SCAI: variants seen among roughly 807,000 people sequenced by gnomAD.
SCAI encodes suppressor of cancer cell invasion.
SCAI carries 24 observed loss-of-function variants against 92.2 expected under a neutral mutation model. The observed-to-expected ratio is 0.26, with a 90% CI of 0.19 to 0.37. The LOEUF is 0.37. Among genes scored for constraint, SCAI ranks in the 10% least tolerant of loss-of-function variants. SCAI has a pLI of 1.00. For synonymous variants in SCAI, 261 were observed against 258.6 expected (o/e 1.01, Z -0.09); for missense variants, 450 against 736.2 (o/e 0.61, Z 4.50).
At chr9:124,985,865 A>AT (rs1469639816) in intron 14 of SCAI, among the ~76,000 whole-genome samples, 2,603 of 150,240 alleles carry the variant, frequency 0.017, 73 homozygotes, top group African/African-American at 0.059. Context: ...CTCTGTCTCA[A>AT]TAAAAAAAAA....
intron 2 of SCAI, among the ~76,000 whole-genome samples, chr9:125,129,571 C>A (rs1171103821): frequency 7.3e-6 from 1 of 136,066 alleles, no homozygotes; most frequent in Non-Finnish European, 1.5e-5. Flanking sequence ...TCAAGTGATT[C>A]TCCTGCATCA....
intron 6 of SCAI, among the ~76,000 whole-genome samples, chr9:125,023,501 C>A (rs187892595): frequency 6.6e-6 from 1 of 152,144 alleles, no homozygotes; most frequent in Admixed American, 6.5e-5. Context: ...TGACTTAATT[C>A]TGTTACTTTT....
rs1270505342 is a variant in SCAI at position 124,968,402 on chromosome 9, G to A, written c.1674+2968C>T. The A allele has an allele frequency of 1.1e-4, 127 of 1,125,746 alleles. 1 individual carries two copies. In the East Asian group the frequency reaches 2.9e-3, roughly 26 times the overall value. 69.7% of individuals were successfully genotyped at this position (1,125,746 alleles called of 1,614,324 possible). Reference sequence around the variant, plus strand: ...CATGGAGGGACACGCAATCGTGGGAGTACACCCAGTTTTTCTCAGTCCAGT... The same window carrying A: ...CATGGAGGGACACGCAATCGTGGGAATACACCCAGTTTTTCTCAGTCCAGT... On this transcript the variant is annotated intron_variant, in intron 17 of 17. Transcript: ENST00000336505.
intron 2 of SCAI, among the ~76,000 whole-genome samples, chr9:125,082,499 C>T (rs1222085840): frequency 2.0e-5 from 3 of 152,122 alleles, no homozygotes; most frequent in Non-Finnish European, 2.9e-5. Context: ...AGAGGGCCAC[C>T]GTCTTCCAGA....
At chr9:125,067,443 A>G (rs1262389273) in intron 2 of SCAI, among the ~76,000 whole-genome samples, 1 of 152,144 alleles carries the variant, frequency 6.6e-6, no homozygotes, top group Non-Finnish European at 1.5e-5. Flanking sequence ...GAAGACAGAC[A>G]GGAAGGAAGG....
intron 17 of SCAI, among the ~76,000 whole-genome samples, chr9:124,969,676 T>C (rs1831614418): frequency 6.6e-6 from 1 of 152,244 alleles, no homozygotes; most frequent in Non-Finnish European, 1.5e-5. Context: ...TAGCAACTCT[T>C]ATATCCTGCT....
At chr9:125,058,932 A>T (rs576371179) in intron 2 of SCAI, among the ~76,000 whole-genome samples, 7 of 152,248 alleles carry the variant, frequency 4.6e-5, no homozygotes, top group Non-Finnish European at 1.0e-4. Flanking sequence ...CATCAATACC[A>T]ATAGTAATAG....
intron 17 of SCAI, among the ~76,000 whole-genome samples, chr9:124,958,379 G>T (rs1327039404): frequency 1.3e-5 from 2 of 152,150 alleles, no homozygotes; most frequent in African/African-American, 4.8e-5. Context: ...GTAGGTCAAT[G>T]GAAGAGAATT....
At chr9:125,114,189 G>T (rs1042023869) in intron 2 of SCAI, among the ~76,000 whole-genome samples, 1 of 152,106 alleles carries the variant, frequency 6.6e-6, no homozygotes, top group Non-Finnish European at 1.5e-5. Flanking sequence ...TTAACATAAG[G>T]TCACTCAACA....
chr9:125,119,642 A>G (rs1211288559), intron 2 of SCAI, among the ~76,000 whole-genome samples: 2 of 152,258 alleles, frequency 1.3e-5, no homozygotes, highest in Non-Finnish European at 2.9e-5. Flanking sequence ...TAATCCAGTT[A>G]TCCCCTGCTA....
At chr9:125,022,422 T>G (rs1832887111) in intron 6 of SCAI, among the ~76,000 whole-genome samples, 1 of 152,122 alleles carries the variant, frequency 6.6e-6, no homozygotes, top group African/African-American at 2.4e-5. Flanking sequence ...AAGGGTTTAT[T>G]TATTTAAAAG....
At chr9:125,115,493 C>G (rs554719834) in intron 2 of SCAI, among the ~76,000 whole-genome samples, 1 of 149,402 alleles carries the variant, frequency 6.7e-6, no homozygotes, top group Admixed American at 6.7e-5. Flanking sequence ...ATAGAATAAA[C>G]AGTGACATAG....
rs1439132547 is a variant in SCAI, at chr9:125,094,590, C to A, written c.99-38583G>T. Among the ~76,000 whole-genome samples, 3 of 152,318 alleles carry A rather than the reference C, an allele frequency of 2.0e-5. No individual in the cohort carries two copies. In the East Asian group the frequency reaches 5.8e-4, roughly 29 times the overall value. ...CAACACGGCTCACTGAAGCCTCGAC[C>A]TCCTGGGCTCAAGTGACCCTTCCGC... is the stretch of plus-strand genomic sequence containing the variant. On this transcript the variant is annotated intron_variant, in intron 2 of 17. Transcript: ENST00000336505.
At position 125,129,420 on chromosome 9, in the gene SCAI, T is replaced by A. The variant is rs1333490641; in HGVS notation, c.98+13213A>T. Among the ~76,000 whole-genome samples, 16 of 130,078 alleles carry A rather than the reference T, an allele frequency of 1.2e-4. No homozygotes were observed. In the East Asian group the frequency reaches 1.3e-3, roughly 10 times the overall value. The allele number at this position is 130,078 out of a possible 152,430, so 85.3% of individuals were successfully genotyped here. A position where few individuals can be genotyped will look rare whatever the true frequency, so the allele number is the denominator to read the frequency against. Reference sequence around the variant, plus strand: ...CACGCAGACTCCAACTTAAAAAAAATAAATAAAAAGAAGGAATGAAAGAAT... The same window carrying A: ...CACGCAGACTCCAACTTAAAAAAAAAAAATAAAAAGAAGGAATGAAAGAAT... On this transcript the variant is annotated intron_variant, in intron 2 of 17. Coordinates refer to ENST00000336505, the MANE Select transcript of SCAI (RefSeq NM_001144877.3).
chr9:125,133,915 T>C (rs1046323769), intron 2 of SCAI, among the ~76,000 whole-genome samples: 2 of 152,180 alleles, frequency 1.3e-5, no homozygotes, highest in African/African-American at 4.8e-5. Flanking sequence ...GCAGTATATC[T>C]GGCCTCTACT....
chr9:125,143,348 C>T, intron 1 of SCAI, 37 bp downstream of exon 1: 1 of 1,272,112 alleles, frequency 7.9e-7, no homozygotes, highest in Non-Finnish European at 1.0e-6. Context: ...TGGCCCCCAC[C>T]CCATCCCCAA....
At position 124,957,524 on chromosome 9, in the gene SCAI, G is replaced by A. The variant is rs540123337; in HGVS notation, c.1675-4571C>T. Among the ~76,000 whole-genome samples the A allele has an allele frequency of 9.7e-3, 971 of 100,618 alleles. 7 individuals carry two copies. Among genetic ancestry groups the A allele is most frequent in the South Asian group, 0.033 (93 of 2,804 alleles). The allele number at this position is 100,618 out of a possible 152,430, so 66.0% of individuals were successfully genotyped here. ...ACTACAGGCATACGCCACCACACCCGGCTAATTTTTTTTTTTTTTGTATTT... is the reference window on the plus strand; with the variant it reads ...ACTACAGGCATACGCCACCACACCCAGCTAATTTTTTTTTTTTTTGTATTT... On this transcript the variant is annotated intron_variant, in intron 17 of 17. Coordinates refer to ENST00000336505, the MANE Select transcript of SCAI (RefSeq NM_001144877.3).
At chr9:124,975,225 C>G (rs995516728) in intron 15 of SCAI, 14 of 358,844 alleles carry the variant, frequency 3.9e-5, no homozygotes, top group Admixed American at 2.0e-4. Flanking sequence ...CATGTTTTTC[C>G]CTGTTAAACA....
chr9:125,052,956 A>G (rs1833591454), intron 3 of SCAI, among the ~76,000 whole-genome samples: 1 of 152,152 alleles, frequency 6.6e-6, no homozygotes, highest in Admixed American at 6.5e-5. Context: ...AGGAGAAACT[A>G]GAACACATTA....
Sources: allele counts gnomAD v4.1 joint callset (sites outside exome capture counted in the v4.1 genomes callset), GRCh38; gene constraint gnomAD v4.1.1; transcripts MANE v1.5; gene names NCBI Gene and HGNC (gene_info 2026-07-23, HGNC 2026-07-21).